EHF: variants seen among roughly 807,000 people sequenced by gnomAD.
EHF encodes ESE3 transcription factor.
In EHF, 14 loss-of-function variants were observed where a neutral mutation model predicts 45.1. That is an observed-to-expected ratio of 0.31 (90% CI 0.21 to 0.49). EHF has a LOEUF of 0.49. Among genes scored for constraint, EHF ranks in the 20% least tolerant of loss-of-function variants. The pLI, the probability that EHF is intolerant of heterozygous loss-of-function variation, is 0.99. For synonymous variants in EHF, 136 were observed against 131.8 expected, an observed-to-expected ratio of 1.03 and a Z score of -0.22; for missense variants, 282 against 371.4, an observed-to-expected ratio of 0.76 and a Z score of 1.98.
chr11:34,631,865 C>T (rs1411966365), intron 1 of EHF, among the ~76,000 whole-genome samples: 2 of 152,074 alleles, frequency 1.3e-5, no homozygotes, highest in East Asian at 1.9e-4. Flanking sequence ...TGGTTTCGAT[C>T]GTATCCCAGC....
Position 34,647,707 on chromosome 11 carries a change from A to T in EHF, c.343+1023A>T, listed in dbSNP as rs115114330. On this transcript the variant is annotated intron_variant, in intron 3 of 8. Coordinates refer to ENST00000257831, the MANE Select transcript of EHF (RefSeq NM_012153.6). ...TCATACCCTGGCAACAGCCATCAAC[A>T]CTGAAGAGGACCTGGGGCCTTGCAG... 9.6e-3 allele frequency among the ~76,000 whole-genome samples: 1,462 copies of T among 152,294 alleles called. 25 individuals carry two copies. The highest frequency in any genetic ancestry group is 0.034 in the African/African-American group (1,405 of 41,554).
Position 34,662,873 on chromosome 11 carries a change from C to T in EHF, c.*3942C>T, listed in dbSNP as rs1309343730. On this transcript the variant is annotated 3_prime_UTR_variant, in exon 9 of 9. Coordinates refer to ENST00000257831, the MANE Select transcript of EHF (RefSeq NM_012153.6). ...GATACTTACTGTATGAATGAAAGAA[C>T]ATCACAGTAATCACAATATCAGAGC... Among the ~76,000 whole-genome samples, 1 of 151,998 alleles carries T rather than the reference C, an allele frequency of 6.6e-6. No homozygotes were observed. Among genetic ancestry groups the T allele is most frequent in the African/African-American group, 2.4e-5 (1 of 41,386 alleles).
At chr11:34,648,603 A>G (rs931569350) in intron 3 of EHF, among the ~76,000 whole-genome samples, 4 of 152,156 alleles carry the variant, frequency 2.6e-5, no homozygotes, top group African/African-American at 7.2e-5. Flanking sequence ...TTTTCATATC[A>G]TATCTTAGTA....
In EHF at chr11:34,624,296, G is replaced by A. The variant is rs1437303472; in HGVS notation, c.-4+3068G>A. 5.1e-6 allele frequency: 5 copies of A among 985,280 alleles called. No individual in the cohort carries two copies. The African/African-American group carries it at 7.0e-5, about 14-fold the overall frequency. The allele number at this position is 985,280 out of a possible 1,614,324, so 61.0% of individuals were successfully genotyped here. A position where few individuals can be genotyped will look rare whatever the true frequency, so the allele number is the denominator to read the frequency against. ...CCTTTGTTACTGGGAAACCGAACGC[G>A]GCGCTGTGGCTTTCAGCTTGGGTAA... On this transcript the variant is annotated intron_variant, in intron 1 of 8. Transcript: ENST00000257831.
At chr11:34,648,058 C>T (rs571355540) in intron 3 of EHF, among the ~76,000 whole-genome samples, 2 of 152,290 alleles carry the variant, frequency 1.3e-5, no homozygotes, top group South Asian at 2.1e-4. Flanking sequence ...TTGGTCTCAT[C>T]GCATGCTGCT....
chr11:34,633,771 G>A (rs949789787), intron 1 of EHF, among the ~76,000 whole-genome samples: 1 of 152,120 alleles, frequency 6.6e-6, no homozygotes, highest in African/African-American at 2.4e-5. Flanking sequence ...GTTTGATAAA[G>A]GCCCTGGGGG....
chr11:34,651,675 G>A (rs1010676215), intron 5 of EHF, 62 bp from the exon 6 acceptor site: 1 of 1,608,558 alleles, frequency 6.2e-7, no homozygotes, highest in Non-Finnish European at 8.5e-7. Context: ...GAGCCACAGT[G>A]TTCTATTGTG....
intron 6 of EHF, among the ~76,000 whole-genome samples, chr11:34,654,299 A>G (rs968083731): frequency 1.3e-5 from 2 of 152,196 alleles, no homozygotes; most frequent in Non-Finnish European, 2.9e-5. Context: ...AGGGCAAGCC[A>G]TTATTTTATA....
In EHF at chr11:34,642,836, G is replaced by T. The variant is rs1324339884; in HGVS notation, c.97+109G>T. Reference sequence around the variant, plus strand: ...AAATATAGGCTTTACAGCAGAAGATGTGGGACAAGAAGGAATGGAGAAAAC... The same window carrying T: ...AAATATAGGCTTTACAGCAGAAGATTTGGGACAAGAAGGAATGGAGAAAAC... On this transcript the variant is annotated intron_variant, in intron 2 of 8. Coordinates refer to ENST00000257831, the MANE Select transcript of EHF (RefSeq NM_012153.6). 1.1e-5 allele frequency: 9 copies of T among 812,300 alleles called. No homozygotes were observed. In the East Asian group the frequency reaches 2.4e-4, roughly 22 times the overall value. 50.3% of individuals were successfully genotyped at this position (812,300 alleles called of 1,614,324 possible).
chr11:34,646,713 A>G (rs1590501574), intron 3 of EHF, 29 bp downstream of exon 3: 2 of 1,602,168 alleles, frequency 1.2e-6, no homozygotes, highest in Non-Finnish European at 1.7e-6. Flanking sequence ...GTCTCTCCCT[A>G]CCCTGCTAGG....
Position 34,661,880 on chromosome 11 carries a change from A to G in EHF, c.*2949A>G, listed in dbSNP as rs1856106095. 6.6e-6 allele frequency among the ~76,000 whole-genome samples: 1 copy of G among 152,126 alleles called. No individual in the cohort carries two copies. Among genetic ancestry groups the G allele is most frequent in the Non-Finnish European group, 1.5e-5 (1 of 68,010 alleles). ...CTTATTAGGTTTTCATGGGAACATG[A>G]GGCAGCAAATCTATTGCTAAGACTT... is the stretch of plus-strand genomic sequence containing the variant. On this transcript the variant is annotated 3_prime_UTR_variant, in exon 9 of 9. Transcript: ENST00000257831.
In EHF at chr11:34,662,707, A is replaced by C. The variant is rs1856163340; in HGVS notation, c.*3776A>C. Among the ~76,000 whole-genome samples, 1 of 152,170 alleles carries C rather than the reference A, an allele frequency of 6.6e-6. No homozygotes were observed. Among genetic ancestry groups the C allele is most frequent in the South Asian group, 2.1e-4 (1 of 4,828 alleles). ...ATAGAAAAAGGTAAAACAGTTAAGA[A>C]GGAAGGCAATTATATTATTCTTCTG... On this transcript the variant is annotated 3_prime_UTR_variant, in exon 9 of 9. Coordinates refer to ENST00000257831, the MANE Select transcript of EHF (RefSeq NM_012153.6).
rs1359678331 is a variant in EHF, at chr11:34,628,630, G to A, written c.-4+7402G>A. Reference sequence around the variant, plus strand: ...TTTGGCATAATGAAGATGATAATAAGAATGATAATGGTAATTTGTTGAGTG... The same window carrying A: ...TTTGGCATAATGAAGATGATAATAAAAATGATAATGGTAATTTGTTGAGTG... On this transcript the variant is annotated intron_variant, in intron 1 of 8. Coordinates refer to ENST00000257831, the MANE Select transcript of EHF (RefSeq NM_012153.6). Among the ~76,000 whole-genome samples, 6 of 152,208 alleles carry A rather than the reference G, an allele frequency of 3.9e-5. No individual in the cohort carries two copies. In the East Asian group the frequency reaches 9.6e-4, roughly 24 times the overall value.
At chr11:34,630,859 T>C (rs761244225) in intron 1 of EHF, among the ~76,000 whole-genome samples, 61 of 152,236 alleles carry the variant, frequency 4.0e-4, no homozygotes, top group Non-Finnish European at 7.2e-4. Flanking sequence ...GCAACATTTC[T>C]GAGGCCCCAC....
intron 1 of EHF, among the ~76,000 whole-genome samples, chr11:34,640,177 C>A (rs1853849227): frequency 6.6e-6 from 1 of 152,158 alleles, no homozygotes; most frequent in South Asian, 2.1e-4. Flanking sequence ...GGTTCAGGGT[C>A]ACCCACAGTA....
chr11:34,651,961 G>A (rs1855215006), intron 6 of EHF, among the ~76,000 whole-genome samples, 156 bp downstream of exon 6: 1 of 152,176 alleles, frequency 6.6e-6, no homozygotes, highest in Non-Finnish European at 1.5e-5. Flanking sequence ...TGCTTTTGAG[G>A]CAATATTTGT....
At chr11:34,632,660 A>G in intron 1 of EHF, 2 of 1,535,594 alleles carry the variant, frequency 1.3e-6, no homozygotes, top group Non-Finnish European at 1.7e-6. Context: ...AAGGTTGGTC[A>G]TTCTCAAATG....
At chr11:34,647,931 AC>A (rs1854739412) in intron 3 of EHF, among the ~76,000 whole-genome samples, 1 of 151,402 alleles carries the variant, frequency 6.6e-6, no homozygotes, top group African/African-American at 2.4e-5. Flanking sequence ...ATTTACCTCC[AC>A]CCCCCAATTA....
At chr11:34,638,684 C>G (rs1040227992) in intron 1 of EHF, among the ~76,000 whole-genome samples, 6 of 152,140 alleles carry the variant, frequency 3.9e-5, no homozygotes, top group Admixed American at 1.3e-4. Context: ...GGCCAGCCCC[C>G]ACAGAAGGGA....
Sources: gnomAD v4.1 joint callset for allele counts (sites outside exome capture counted in the v4.1 genomes callset) on GRCh38, gnomAD v4.1.1 for gene constraint, MANE v1.5 for transcripts, NCBI Gene and HGNC (gene_info 2026-07-23, HGNC 2026-07-21) for gene names.